TNK2: variants seen among roughly 807,000 people sequenced by gnomAD.
TNK2 encodes tyrosine kinase non receptor 2, also known as activated CDC42 kinase 1.
Under a neutral mutation model 101.8 loss-of-function variants are expected in TNK2, and 83 were observed. That is an observed-to-expected ratio of 0.82 (90% CI 0.68 to 0.98). The LOEUF (loss-of-function observed/expected upper bound fraction) is 0.98, where lower values mean the gene tolerates loss of function less well. Among genes scored for constraint, TNK2 ranks in the 50% least tolerant of loss-of-function variants. The pLI is 0.00. For synonymous variants in TNK2, 804 were observed against 633.0 expected (o/e 1.27, Z -4.06); for missense variants, 1,665 against 1,483.2 (o/e 1.12, Z -2.01).
rs55636345 is a variant in TNK2 at position 195,883,250 on chromosome 3, G to C, written c.516C>G (p.Asp172Glu). ...PDVLSQPEAM[D>E]DFIREVNAMH... The stretch of plus-strand genomic sequence containing the variant: ...TGGCATTGACCTCCCGGATGAAGTC[G>C]TCCATGGCTTCTGGCTGGCTCAGGA... Residue 172 changes from aspartate to glutamate, a missense_variant, in exon 5 of 16, where the codon GAC (aspartate) becomes GAG (glutamate). Transcript: ENST00000672887. 1.9e-6 allele frequency: 3 copies of C among 1,613,188 alleles called. No homozygotes were observed. The highest frequency in any genetic ancestry group is 2.7e-5 in the African/African-American group (2 of 74,882).
intron 2 of TNK2, among the ~76,000 whole-genome samples, chr3:195,887,835 C>CGTGT (rs35572141): frequency 6.9e-6 from 1 of 145,832 alleles, no homozygotes; most frequent in Non-Finnish European, 1.5e-5. Context: ...TGCGCACACA[C>CGTGT]GTGTGTGTGT....
At position 195,872,941 on chromosome 3, in the gene TNK2, A is replaced by G. The variant is rs145057853; in HGVS notation, c.1257-471T>C. On this transcript the variant is annotated intron_variant, in intron 9 of 15. Transcript: ENST00000672887. The stretch of plus-strand genomic sequence containing the variant: ...TCGGCTGGGTTCCAGGAGTTCTGAG[A>G]GGTGCGGGGGTGCCGGGGGACACCT... The G allele has an allele frequency of 4.3e-3, 728 of 168,096 alleles. 8 individuals are homozygous for G. The highest frequency in any genetic ancestry group is 0.017 in the African/African-American group (700 of 41,658). 10.4% of individuals were successfully genotyped at this position (168,096 alleles called of 1,614,324 possible).
At chr3:195,874,605 A>G (rs28706969) in intron 9 of TNK2, among the ~76,000 whole-genome samples, 17,329 of 43,542 alleles carry the variant, frequency 0.4, 3,775 homozygotes, top group Middle Eastern at 0.5. Context: ...GCCCACGCAC[A>G]CTCCGAGGCA....
At chr3:195,868,850 A>T in intron 12 of TNK2, 141 bp from the exon 13 acceptor site, 1 of 1,028,894 alleles carries the variant, frequency 9.7e-7, no homozygotes, top group South Asian at 1.7e-5. Context: ...GAGGTCAGCC[A>T]CCGGCGGCCA....
At position 195,878,931 on chromosome 3, in the gene TNK2, C is replaced by A; in HGVS notation, c.1014+118G>T. ...GGGAGGCACGGGAAGTGGGGGGAGG[C>A]ACGGGGCGTGGGAGGAGGGAGTCCA... On this transcript the variant is annotated intron_variant, in intron 7 of 15. Coordinates refer to ENST00000672887, the MANE Select transcript of TNK2 (RefSeq NM_001382273.1). This position sits in a 1 kb window ranked among gnomAD's most constrained non-coding sequence, Gnocchi z 4.7. 6.7e-7 allele frequency: 1 copy of A among 1,484,410 alleles called. No homozygotes were observed. The highest frequency in any genetic ancestry group is 9.1e-7 in the Non-Finnish European group (1 of 1,098,210). The allele number at this position is 1,484,410 out of a possible 1,614,324, so 92.0% of individuals were successfully genotyped here. A position where few individuals can be genotyped will look rare whatever the true frequency, so the allele number is the denominator to read the frequency against.
At chr3:195,906,582 G>A (rs1481568538) in intron 1 of TNK2, among the ~76,000 whole-genome samples, 1 of 152,078 alleles carries the variant, frequency 6.6e-6, no homozygotes, top group Admixed American at 6.5e-5. Flanking sequence ...CTGGGGTAGG[G>A]GATGGCAGAG....
intron 1 of TNK2, among the ~76,000 whole-genome samples, chr3:195,900,600 C>T (rs890853816): frequency 6.6e-6 from 1 of 152,220 alleles, no homozygotes; most frequent in South Asian, 2.1e-4. Context: ...CCTGGACCAT[C>T]GCTCCCCAAC....
chr3:195,864,000 G>A lies in TNK2; in HGVS notation c.*181C>T, dbSNP rs1392482703. Reference sequence around the variant, plus strand: ...ACCAAAGTGTGCAGGGACAGCGCTGGTGCAGGAGGGATGGGCAGGGCAGGG... The same window carrying A: ...ACCAAAGTGTGCAGGGACAGCGCTGATGCAGGAGGGATGGGCAGGGCAGGG... On this transcript the variant is annotated 3_prime_UTR_variant, in exon 16 of 16. Transcript: ENST00000672887. The A allele has an allele frequency of 2.7e-6, 2 of 728,780 alleles. No individual in the cohort carries two copies. The highest frequency in any genetic ancestry group is 4.6e-6 in the Non-Finnish European group (2 of 432,706). The allele number at this position is 728,780 out of a possible 1,614,324, so 45.1% of individuals were successfully genotyped here. A position where few individuals can be genotyped will look rare whatever the true frequency, so the allele number is the denominator to read the frequency against.
At chr3:195,892,310 TCCCTCAG>T (rs1456010103) in intron 1 of TNK2, 2 of 1,197,726 alleles carry the variant, frequency 1.7e-6, no homozygotes, top group Non-Finnish European at 2.3e-6. Flanking sequence ...ACTGGCGGGG[TCCCTCAG>T]CCGCTCCCAG....
chr3:195,869,392 C>CCCCA, intron 12 of TNK2, 105 bp downstream of exon 12: 2 of 1,064,404 alleles, frequency 1.9e-6, no homozygotes, highest in Non-Finnish European at 1.4e-6. Flanking sequence ...CACACCCACC[C>CCCCA]ACCTCCCCTC....
At chr3:195,873,657 T>C (rs574471284) in intron 9 of TNK2, among the ~76,000 whole-genome samples, 1 of 152,198 alleles carries the variant, frequency 6.6e-6, no homozygotes, top group South Asian at 2.1e-4. Context: ...AGGGCTCCTC[T>C]GAAACCCAGC....
chr3:195,884,908 G>A lies in TNK2; in HGVS notation c.360C>T (p.Leu120=). 1 of 1,614,108 alleles carries A rather than the reference G, an allele frequency of 6.2e-7. No individual in the cohort carries two copies. Among genetic ancestry groups the A allele is most frequent in the Non-Finnish European group, 8.5e-7 (1 of 1,180,016 alleles). The change falls in exon 4 of 16, where the codon CTC becomes CTT. Residue 120 remains leucine (L), a synonymous_variant. Coordinates refer to ENST00000672887, the MANE Select transcript of TNK2 (RefSeq NM_001382273.1). ...GEGPLQSLTC[L]IGEKDLRLLE... ...GGAGGCGCAGGTCCTTCTCCCCAAT[G>A]AGGCAGGTGAGGCTCTGCAGGGGCC...
chr3:195,876,699 C>T (rs763187092), intron 9 of TNK2: 2 of 451,180 alleles, frequency 4.4e-6, no homozygotes, highest in Non-Finnish European at 8.9e-6. Context: ...CAGAGCCCCA[C>T]CAGCAGCAGC....
chr3:195,888,611 G>C lies in TNK2; in HGVS notation c.-18-5C>G, dbSNP rs749959601. On this transcript the variant is annotated splice_region_variant and splice_polypyrimidine_tract_variant and intron_variant, in intron 1 of 15. Coordinates refer to ENST00000672887, the MANE Select transcript of TNK2 (RefSeq NM_001382273.1). The surrounding 1 kb of genome is among the most constrained non-coding windows in gnomAD (Gnocchi z 5.3). ...CATTCTGCCGCCTCCCAGCCTCTGTGGGGGGAGGAGTGGCTCAGGGACAAG... is the reference window on the plus strand; with the variant it reads ...CATTCTGCCGCCTCCCAGCCTCTGTCGGGGGAGGAGTGGCTCAGGGACAAG... 3.1e-6 allele frequency: 5 copies of C among 1,604,034 alleles called. No individual in the cohort carries two copies. The highest frequency in any genetic ancestry group is 3.4e-5 in the Admixed American group (2 of 59,622).
At chr3:195,894,357 A>C (rs1759758692) in intron 1 of TNK2, 1 of 152,238 alleles carries the variant, frequency 6.6e-6, no homozygotes, top group Non-Finnish European at 1.5e-5. Flanking sequence ...CTGGCCCAGT[A>C]ATCCAGCTGC....
At chr3:195,891,263 G>A (rs1377604118) in intron 1 of TNK2, among the ~76,000 whole-genome samples, 4 of 152,154 alleles carry the variant, frequency 2.6e-5, no homozygotes, top group Admixed American at 6.5e-5. Context: ...AAAATTAGCC[G>A]GGCCTGGTGG....
chr3:195,907,167 T>C (rs1362990059), intron 1 of TNK2, among the ~76,000 whole-genome samples: 2 of 152,216 alleles, frequency 1.3e-5, no homozygotes, highest in East Asian at 3.8e-4. Flanking sequence ...CAGACCGTTC[T>C]CTCCACTGAA....
chr3:195,863,897 C>T lies in TNK2; in HGVS notation c.*284G>A, dbSNP rs562235602. Reference sequence around the variant, plus strand: ...GGACCAGGGCCAGAGGCAGGTCATACCCAGAGCCTGCTGGGGCAGCCCTCA... The same window carrying T: ...GGACCAGGGCCAGAGGCAGGTCATATCCAGAGCCTGCTGGGGCAGCCCTCA... On this transcript the variant is annotated 3_prime_UTR_variant, in exon 16 of 16. Transcript: ENST00000672887. 3.9e-5 allele frequency: 18 copies of T among 462,412 alleles called. No individual in the cohort carries two copies. The highest frequency in any genetic ancestry group is 1.3e-4 in the East Asian group (4 of 30,584). The allele number at this position is 462,412 out of a possible 1,614,324, so 28.6% of individuals were successfully genotyped here.
intron 1 of TNK2, among the ~76,000 whole-genome samples, chr3:195,901,668 A>G (rs1761220806): frequency 6.6e-6 from 1 of 152,116 alleles, no homozygotes; most frequent in Non-Finnish European, 1.5e-5. Context: ...TCAGGAAGAC[A>G]CTATGCGCCA....
Sources: gnomAD v4.1 joint callset for allele counts (sites outside exome capture counted in the v4.1 genomes callset) on GRCh38, gnomAD v4.1.1 for gene constraint, Gnocchi (gnomAD v3.1) non-coding constraint, MANE v1.5 for transcripts, NCBI Gene and HGNC (gene_info 2026-07-23, HGNC 2026-07-21) for gene names.